The following NEB variants were observed in gnomAD, a reference collection of about 807,000 sequenced individuals.
NEB encodes the protein nebulin, also known as nemaline myopathy type 2.
A neutral mutation model predicts 952.2 loss-of-function variants in NEB; 512 were observed. The ratio of observed to expected loss-of-function variants is 0.54; its 90% CI spans 0.50 to 0.58. The LOEUF is 0.58. Among genes scored for constraint, NEB ranks in the 20% least tolerant of loss-of-function variants. The probability of loss-of-function intolerance (pLI) is 0.00; values close to 1 mark genes in which losing one functional copy is unlikely to be tolerated. For synonymous variants in NEB, 2,900 were observed against 3,149.8 expected, an observed-to-expected ratio of 0.92 and a Z score of 2.66; for missense variants, 8,428 against 9,231.1, an observed-to-expected ratio of 0.91 and a Z score of 3.56.
chr2:151,709,625 C>T, intron 12 of NEB, 31 bp downstream of exon 12: 3 of 1,504,740 alleles, frequency 2.0e-6, no homozygotes, highest in South Asian at 1.2e-5. Context: ...ACACTCAAAC[C>T]ATCAAGATAA....
intron 10 of NEB, among the ~76,000 whole-genome samples, chr2:151,717,034 A>G (rs1347060724): frequency 6.6e-6 from 1 of 152,236 alleles, no homozygotes; most frequent in Non-Finnish European, 1.5e-5. Context: ...TCCAAGTGTG[A>G]CGGATAAGAT....
Position 151,578,677 on chromosome 2 carries a change from G to GGGAA in NEB, c.16704+657_16704+660dup, listed in dbSNP as rs371963286. ...AGGGAAAGAGACAAGGAGGGAAGGA[G>GGGAA]GGAAGGAAGGAAGGAAGGAGAGAAG... On this transcript the variant is annotated intron_variant, in intron 105 of 181. Transcript: ENST00000397345. Among the ~76,000 whole-genome samples the GGGAA allele has an allele frequency of 2.0e-4, 29 of 147,898 alleles. No individual in the cohort carries two copies. In the East Asian group the frequency reaches 4.0e-3, roughly 20 times the overall value.
In NEB at chr2:151,631,285, A is replaced by G. The variant is rs762122276; in HGVS notation, c.9476T>C (p.Met3159Thr). Residue 3159 changes from methionine (M) to threonine (T), a missense_variant, in exon 66 of 182, where the codon ATG (methionine) becomes ACG (threonine). Transcript: ENST00000397345. ...AGCTCTCTTGCACTTGACCACATCCATAGACCCAATGGGGACCCAGCCAAT... is the reference window on the plus strand; with the variant it reads ...AGCTCTCTTGCACTTGACCACATCCGTAGACCCAATGGGGACCCAGCCAAT... ...RGIGWVPIGS[M>T]DVVKCKRATE... The G allele has an allele frequency of 3.1e-6, 5 of 1,613,912 alleles. No homozygotes were observed. The highest frequency in any genetic ancestry group is 4.2e-6 in the Non-Finnish European group (5 of 1,179,848).
Position 151,717,523 on chromosome 2 carries a change from G to A in NEB, c.718-3C>T. ...GCGAGACCTTTTTTGTAGGCAACCT[G>A]ATGAAATAAAAGACAGGGATGTATT... On this transcript the variant is annotated splice_region_variant and splice_polypyrimidine_tract_variant and intron_variant, in intron 9 of 181. Coordinates refer to ENST00000397345, the MANE Select transcript of NEB (RefSeq NM_001164508.2). 6.2e-7 allele frequency: 1 copy of A among 1,605,896 alleles called. No individual in the cohort carries two copies. The highest frequency in any genetic ancestry group is 1.1e-5 in the South Asian group (1 of 90,716).
intron 163 of NEB, 79 bp from the exon 164 acceptor site, chr2:151,506,337 T>C: frequency 9.4e-7 from 1 of 1,064,376 alleles, no homozygotes; most frequent in South Asian, 1.5e-5. Flanking sequence ...CTAGGACACA[T>C]GGCTTTTGTG....
At chr2:151,665,904 T>C (rs2099210525) in intron 41 of NEB, among the ~76,000 whole-genome samples, 186 bp downstream of exon 41, 2 of 152,222 alleles carry the variant, frequency 1.3e-5, no homozygotes, top group Admixed American at 6.5e-5. Context: ...AATATATTTG[T>C]ATGCATATAT....
At chr2:151,578,836 C>G (rs2097002319) in intron 105 of NEB, among the ~76,000 whole-genome samples, 1 of 151,896 alleles carries the variant, frequency 6.6e-6, no homozygotes, top group Admixed American at 6.6e-5. Context: ...AATCCCAGAA[C>G]TTTGGAAGGC....
chr2:151,706,076 GT>G (rs577236124), intron 13 of NEB, among the ~76,000 whole-genome samples: 1 of 152,150 alleles, frequency 6.6e-6, no homozygotes, highest in Non-Finnish European at 1.5e-5. Flanking sequence ...GAAATAAAAT[GT>G]TTTTTAAAAG....
In NEB at chr2:151,663,533, G is replaced by A. The variant is rs148455519; in HGVS notation, c.5763+15C>T. 9.8e-4 allele frequency: 1,567 copies of A among 1,595,284 alleles called. 1 individual carries two copies. Among genetic ancestry groups the A allele is most frequent in the Admixed American group, 2.0e-3 (120 of 59,490 alleles). On this transcript the variant is annotated intron_variant, in intron 45 of 181. Transcript: ENST00000397345. ...TATCCAGAGTAAACGCTCTGCAAAT[G>A]TGGTTTTCACGTACATCACTTTGAA...
chr2:151,667,741 G>C (rs550720877), intron 40 of NEB, 63 bp downstream of exon 40: 1 of 1,311,412 alleles, frequency 7.6e-7, no homozygotes, highest in Admixed American at 1.8e-5. Context: ...ATGTTGCCCA[G>C]GCTGGTCTTG....
chr2:151,524,185 G>A, intron 153 of NEB, 126 bp downstream of exon 153: 1 of 764,854 alleles, frequency 1.3e-6, no homozygotes, highest in African/African-American at 1.7e-5. Flanking sequence ...TATAACTCTT[G>A]GAAGCTTTGC....
At chr2:151,569,393 T>C in intron 109 of NEB, 21 bp from the exon 110 acceptor site, 2 of 1,581,514 alleles carry the variant, frequency 1.3e-6, no homozygotes, top group Non-Finnish European at 1.7e-6. Context: ...AGGGCCAGAA[T>C]GAGTTCAGCA....
chr2:151,493,930 G>T, intron 174 of NEB, 63 bp from the exon 175 acceptor site: 1 of 1,165,762 alleles, frequency 8.6e-7, no homozygotes, highest in Non-Finnish European at 1.2e-6. Flanking sequence ...TAATTATATT[G>T]CAAGTTGGGG....
chr2:151,694,877 A>G (rs1400447749), intron 18 of NEB, among the ~76,000 whole-genome samples: 1 of 152,190 alleles, frequency 6.6e-6, no homozygotes, highest in Non-Finnish European at 1.5e-5. Context: ...TTATACTCAT[A>G]TTTGATTCCT....
intron 27 of NEB, among the ~76,000 whole-genome samples, chr2:151,687,159 T>C (rs1298158253): frequency 6.6e-6 from 1 of 152,216 alleles, no homozygotes; most frequent in African/African-American, 2.4e-5. Context: ...GTTTTAAGAA[T>C]ACAATCAATA....
In NEB at chr2:151,657,666, A is replaced by C. The variant is rs1057502327; in HGVS notation, c.6183+317T>G. Among the ~76,000 whole-genome samples the C allele has an allele frequency of 1.3e-5, 2 of 152,210 alleles. 1 individual carries two copies. Among genetic ancestry groups the C allele is most frequent in the South Asian group, 4.1e-4 (2 of 4,836 alleles). On this transcript the variant is annotated intron_variant, in intron 48 of 181. Coordinates refer to ENST00000397345, the MANE Select transcript of NEB (RefSeq NM_001164508.2). ...ATCCGAAGAAGCAGGAGGCAAGAAC[A>C]ACACAAGACTTTCACCAAGAAAGCT...
intron 169 of NEB, among the ~76,000 whole-genome samples, chr2:151,499,009 C>T (rs1039291771): frequency 6.9e-6 from 1 of 145,538 alleles, no homozygotes; most frequent in Non-Finnish European, 1.5e-5. Flanking sequence ...GCTTTAGGTT[C>T]AGATCAAATT....
chr2:151,548,218 A>G (rs2094944638), intron 131 of NEB, 90 bp downstream of exon 131: 2 of 1,081,214 alleles, frequency 1.8e-6, no homozygotes, highest in Middle Eastern at 2.4e-4. Flanking sequence ...TAAGTTTACA[A>G]CTGAAATAAG....
At chr2:151,691,836 T>C (rs1372383656) in intron 23 of NEB, 28 bp downstream of exon 23, 3 of 1,494,108 alleles carry the variant, frequency 2.0e-6, no homozygotes, top group Non-Finnish European at 2.8e-6. Flanking sequence ...CCAAGCTCAA[T>C]TTCAATAATT....
Sources: gnomAD v4.1 joint callset for allele counts (sites outside exome capture counted in the v4.1 genomes callset) on GRCh38, gnomAD v4.1.1 for gene constraint, MANE v1.5 for transcripts, NCBI Gene and HGNC (gene_info 2026-07-23, HGNC 2026-07-21) for gene names.